CARF: variants seen among roughly 807,000 people sequenced by gnomAD.
The protein encoded by CARF is calcium-responsive transcription factor.
CARF carries 57 observed loss-of-function variants against 82.0 expected under a neutral mutation model. The observed-to-expected ratio is 0.70, with a 90% CI of 0.56 to 0.87. The LOEUF (loss-of-function observed/expected upper bound fraction) is 0.87, where lower values mean the gene tolerates loss of function less well. Ranked by LOEUF, CARF falls within the 40% of genes least tolerant of loss-of-function variation. The probability of loss-of-function intolerance (pLI) is 0.00; values close to 1 mark genes in which losing one functional copy is unlikely to be tolerated. For missense variants in CARF, 771 were observed against 855.8 expected (o/e 0.90, Z 1.24); for synonymous variants, 268 against 290.1 (o/e 0.92, Z 0.77).
chr2:202,979,269 A>C (rs2060151826), intron 14 of CARF, among the ~76,000 whole-genome samples: 1 of 152,262 alleles, frequency 6.6e-6, no homozygotes, highest in Middle Eastern at 3.4e-3. Flanking sequence ...AAAAAGAATA[A>C]AAATCTAAAA....
At chr2:202,932,994 G>C (rs1425207411) in intron 3 of CARF, among the ~76,000 whole-genome samples, 1 of 152,166 alleles carries the variant, frequency 6.6e-6, no homozygotes, top group Non-Finnish European at 1.5e-5. Flanking sequence ...GGGCATGACT[G>C]TTCTGGGAGG....
chr2:202,958,348 T>C (rs2059149814), intron 8 of CARF, among the ~76,000 whole-genome samples: 1 of 151,750 alleles, frequency 6.6e-6, no homozygotes, highest in Non-Finnish European at 1.5e-5. Context: ...AAAGTTACTG[T>C]TGTGATTGTT....
chr2:202,960,752 G>T (rs1463704382), intron 8 of CARF, among the ~76,000 whole-genome samples: 33 of 145,442 alleles, frequency 2.3e-4, no homozygotes, highest in African/African-American at 7.1e-4. Flanking sequence ...CCGCCTTCCT[G>T]CCTTCCCTCC....
At chr2:202,976,818 C>G (rs896650022) in intron 13 of CARF, among the ~76,000 whole-genome samples, 2 of 151,666 alleles carry the variant, frequency 1.3e-5, no homozygotes, top group Non-Finnish European at 2.9e-5. Context: ...TCAAGCAGTC[C>G]TCCCACCTTA....
At chr2:202,923,741 T>C (rs1017740117) in intron 2 of CARF, among the ~76,000 whole-genome samples, 22 of 152,180 alleles carry the variant, frequency 1.4e-4, no homozygotes, top group African/African-American at 5.1e-4. Flanking sequence ...AAGGCTGTAC[T>C]CACCAAAACA....
intron 3 of CARF, among the ~76,000 whole-genome samples, chr2:202,933,026 T>C (rs1693233175): frequency 6.6e-6 from 1 of 152,076 alleles, no homozygotes; most frequent in Non-Finnish European, 1.5e-5. Context: ...TTTCCTGGAA[T>C]GTGGGTAGTT....
chr2:202,922,606 A>C (rs1371218896), intron 2 of CARF, among the ~76,000 whole-genome samples: 4 of 151,806 alleles, frequency 2.6e-5, no homozygotes, highest in Non-Finnish European at 5.9e-5. Flanking sequence ...AGTTTCAGAC[A>C]AGCCTGGTCA....
intron 12 of CARF, chr2:202,973,468 G>A (rs1217939508): frequency 9.2e-6 from 4 of 432,752 alleles, no homozygotes; most frequent in African/African-American, 4.1e-5. Flanking sequence ...TTTTGTCTCC[G>A]TGTAAAATTC....
At chr2:202,945,662 A>G (rs940398233) in intron 5 of CARF, among the ~76,000 whole-genome samples, 9 of 152,182 alleles carry the variant, frequency 5.9e-5, no homozygotes, top group East Asian at 1.9e-4. Flanking sequence ...TTATGGCTGC[A>G]TAGTATTCCG....
chr2:202,917,360 T>C (rs552029310), intron 1 of CARF, among the ~76,000 whole-genome samples: 110 of 152,234 alleles, frequency 7.2e-4, no homozygotes, highest in African/African-American at 2.6e-3. Flanking sequence ...TTTAATGCTT[T>C]AGTGTGTTTT....
intron 8 of CARF, among the ~76,000 whole-genome samples, chr2:202,958,247 ATATGTG>A (rs1024213638): frequency 1.5e-4 from 4 of 26,476 alleles, no homozygotes; most frequent in Admixed American, 4.7e-4. Flanking sequence ...GTATATACAT[ATATGTG>A]TGTGTGTGTG....
At chr2:202,946,074 C>G (rs577808380) in intron 5 of CARF, among the ~76,000 whole-genome samples, 5 of 152,140 alleles carry the variant, frequency 3.3e-5, no homozygotes, top group Admixed American at 6.5e-5. Flanking sequence ...TTATATTGAG[C>G]TTTTTTTCAT....
At chr2:202,979,134 G>A (rs2105936414) in intron 14 of CARF, among the ~76,000 whole-genome samples, 1 of 152,280 alleles carries the variant, frequency 6.6e-6, no homozygotes, top group East Asian at 1.9e-4. Context: ...GCACATGCCT[G>A]TAATCCCAGC....
At chr2:202,938,740 G>A (rs906287205) in intron 3 of CARF, among the ~76,000 whole-genome samples, 3 of 150,830 alleles carry the variant, frequency 2.0e-5, no homozygotes, top group African/African-American at 7.3e-5. Context: ...TTTATTGATA[G>A]TTACTTTTCT....
intron 2 of CARF, among the ~76,000 whole-genome samples, chr2:202,919,047 A>C (rs907246605): frequency 6.6e-6 from 1 of 152,122 alleles, no homozygotes; most frequent in Non-Finnish European, 1.5e-5. Flanking sequence ...TAGTGTACTT[A>C]CCTAAGCCAG....
chr2:202,961,507 A>T, intron 9 of CARF, 81 bp downstream of exon 9: 1 of 1,263,698 alleles, frequency 7.9e-7, no homozygotes, highest in Non-Finnish European at 1.1e-6. Context: ...TAAGGTGATA[A>T]CATTTTTATT....
intron 7 of CARF, among the ~76,000 whole-genome samples, chr2:202,954,871 G>A (rs972019544): frequency 2.9e-4 from 44 of 151,682 alleles, no homozygotes; most frequent in African/African-American, 8.5e-4. Flanking sequence ...AAAATTAGCC[G>A]GGCGTGGTGG....
At chr2:202,980,194 G>C (rs1467010833) in intron 14 of CARF, among the ~76,000 whole-genome samples, 1 of 152,132 alleles carries the variant, frequency 6.6e-6, no homozygotes, top group Non-Finnish European at 1.5e-5. Context: ...CTGGTCTCAA[G>C]TTATCCATCT....
chr2:202,960,712 G>GCCTTCCCGCCTTCCCA (rs1390696769), intron 8 of CARF, among the ~76,000 whole-genome samples: 4 of 122,322 alleles, frequency 3.3e-5, no homozygotes, highest in Non-Finnish European at 7.8e-5. Context: ...CCACCTTCCC[G>GCCTTCCCGCCTTCCCA]CCTTCCCGCC....
Sources: allele counts gnomAD v4.1 joint callset (sites outside exome capture counted in the v4.1 genomes callset), GRCh38; gene constraint gnomAD v4.1.1; transcripts MANE v1.5; gene names NCBI Gene and HGNC (gene_info 2026-07-23, HGNC 2026-07-21).